OTUD7A: variants seen among roughly 807,000 people sequenced by gnomAD.
OTUD7A encodes OTU domain-containing protein 7A.
OTUD7A carries 12 observed loss-of-function variants against 65.7 expected under a neutral mutation model. That is an observed-to-expected ratio of 0.18 (90% CI 0.12 to 0.30). OTUD7A has a LOEUF of 0.30. Among genes scored for constraint, OTUD7A ranks in the 10% least tolerant of loss-of-function variants. The pLI is 1.00. For missense variants in OTUD7A, 1,148 were observed against 1,304.8 expected (o/e 0.88, Z 1.85); for synonymous variants, 641 against 586.3 (o/e 1.09, Z -1.35).
At chr15:31,754,451 G>A (rs1894752821) in intron 1 of OTUD7A, among the ~76,000 whole-genome samples, 1 of 152,046 alleles carries the variant, frequency 6.6e-6, no homozygotes, top group African/African-American at 2.4e-5. Context: ...GGTCTAGAAG[G>A]GTTTTTCCAA....
intron 3 of OTUD7A, among the ~76,000 whole-genome samples, chr15:31,632,295 T>A (rs1289760107): frequency 2.0e-5 from 3 of 152,216 alleles, no homozygotes; most frequent in Non-Finnish European, 4.4e-5. Flanking sequence ...GTTTGTTAGT[T>A]TTCCTTCTAA....
At chr15:31,521,845 T>C (rs1043620689) in intron 8 of OTUD7A, among the ~76,000 whole-genome samples, 1 of 152,166 alleles carries the variant, frequency 6.6e-6, no homozygotes, top group African/African-American at 2.4e-5. Flanking sequence ...CCCCAAACGG[T>C]CCCTCTTGCT....
chr15:31,591,581 C>A (rs2141198439), intron 3 of OTUD7A, among the ~76,000 whole-genome samples: 1 of 152,254 alleles, frequency 6.6e-6, no homozygotes, highest in South Asian at 2.1e-4. Flanking sequence ...ACTTACACCC[C>A]CAGCTCTCCC....
Position 31,501,823 on chromosome 15 carries a change from T to C in OTUD7A, c.1038A>G (p.Pro346=). The C allele has an allele frequency of 2.5e-6, 4 of 1,613,266 alleles. No homozygotes were observed. In the South Asian group the frequency reaches 3.3e-5, roughly 13 times the overall value. Residue 346 remains proline (P), a synonymous_variant, in exon 10 of 13, where the codon CCA becomes CCG. Transcript: ENST00000307050. ...CCAAGGGCAGGTAGATCCCTCCGAA[T>C]GGGATGGGTGCGAACGCTGTGGACA... ...DSGGEAFAPI[P]FGGIYLPLEV...
intron 3 of OTUD7A, among the ~76,000 whole-genome samples, chr15:31,589,467 T>C (rs1485707281): frequency 6.7e-6 from 1 of 148,934 alleles, no homozygotes; most frequent in Non-Finnish European, 1.5e-5. Context: ...GGGCTTGTTT[T>C]TTTTTTTTTT....
intron 1 of OTUD7A, among the ~76,000 whole-genome samples, chr15:31,796,292 C>T (rs201838300): frequency 2.6e-5 from 4 of 152,072 alleles, no homozygotes; most frequent in South Asian, 4.2e-4. Flanking sequence ...CACATGATTG[C>T]GGGGATTAGC....
At chr15:31,549,735 G>A (rs1158297354) in intron 5 of OTUD7A, among the ~76,000 whole-genome samples, 6 of 152,120 alleles carry the variant, frequency 3.9e-5, no homozygotes, top group Admixed American at 1.3e-4. Flanking sequence ...GGCTGGTCTT[G>A]AAGCAGTAAA....
intron 1 of OTUD7A, among the ~76,000 whole-genome samples, chr15:31,814,143 C>A (rs1008473709): frequency 6.6e-5 from 10 of 152,222 alleles, no homozygotes; most frequent in Non-Finnish European, 1.2e-4. Flanking sequence ...TATAATCAGC[C>A]AAGGGCTGTG....
chr15:31,776,265 C>T (rs973312087), intron 1 of OTUD7A, among the ~76,000 whole-genome samples: 10 of 152,258 alleles, frequency 6.6e-5, no homozygotes, highest in African/African-American at 2.4e-4. Flanking sequence ...CAGTGTGGGA[C>T]TTCCAGATAG....
intron 5 of OTUD7A, among the ~76,000 whole-genome samples, chr15:31,533,124 AC>A (rs998227231): frequency 9.9e-5 from 15 of 152,172 alleles, no homozygotes; most frequent in Middle Eastern, 3.4e-3. Flanking sequence ...AGACAAAGAA[AC>A]CTTAAAAGCT....
intron 1 of OTUD7A, among the ~76,000 whole-genome samples, chr15:31,694,778 G>A (rs535948869): frequency 1.8e-4 from 27 of 152,108 alleles, no homozygotes; most frequent in Non-Finnish European, 3.1e-4. Context: ...CATTCTTGCC[G>A]TACGTGACAG....
At chr15:31,804,344 G>A (rs1896212714) in intron 1 of OTUD7A, among the ~76,000 whole-genome samples, 1 of 152,086 alleles carries the variant, frequency 6.6e-6, no homozygotes, top group Non-Finnish European at 1.5e-5. Context: ...CTACTTTTAT[G>A]GTTCATTGGA....
At chr15:31,621,732 G>A (rs1014668282) in intron 3 of OTUD7A, among the ~76,000 whole-genome samples, 5 of 151,228 alleles carry the variant, frequency 3.3e-5, no homozygotes, top group African/African-American at 7.4e-5. Flanking sequence ...TTGCCAGTCC[G>A]TGTCTTTTAA....
In OTUD7A at chr15:31,483,823, C is replaced by G; in HGVS notation, c.2273G>C (p.Arg758Pro). 1 of 991,988 alleles carries G rather than the reference C, an allele frequency of 1.0e-6. No individual in the cohort carries two copies. Among genetic ancestry groups the G allele is most frequent in the Non-Finnish European group, 1.2e-6 (1 of 835,262 alleles). The allele number at this position is 991,988 out of a possible 1,614,324, so 61.4% of individuals were successfully genotyped here. A position where few individuals can be genotyped will look rare whatever the true frequency, so the allele number is the denominator to read the frequency against. Reference protein sequence around the residue: ...GTASPGGGARRASASGPVPGR... With the variant: ...GTASPGGGARPASASGPVPGR... ...AGGCACTGGTCCGCTGGCGCTCGCA[C>G]GCCGCGCGCCTCCCCCCGGGGAGGC... Residue 758 changes from arginine to proline, a missense_variant, in exon 13 of 13, where the codon CGT (arginine) becomes CCT (proline). Coordinates refer to ENST00000307050, the MANE Select transcript of OTUD7A (RefSeq NM_001382637.1).
intron 1 of OTUD7A, among the ~76,000 whole-genome samples, chr15:31,812,222 G>A (rs973047889): frequency 2.0e-5 from 3 of 148,328 alleles, no homozygotes; most frequent in Admixed American, 1.3e-4. Flanking sequence ...TAACCAGAAT[G>A]CCCCAGCTGA....
chr15:31,837,045 A>T (rs2140989510), intron 1 of OTUD7A, among the ~76,000 whole-genome samples: 1 of 152,336 alleles, frequency 6.6e-6, no homozygotes, highest in Middle Eastern at 3.4e-3. Context: ...GAAGAAATAA[A>T]GCTATCGCTA....
intron 1 of OTUD7A, among the ~76,000 whole-genome samples, chr15:31,660,466 C>T (rs1446825614): frequency 2.0e-5 from 3 of 152,178 alleles, no homozygotes; most frequent in Non-Finnish European, 2.9e-5. Context: ...TCTTTCAGTG[C>T]GGGGGCATGA....
chr15:31,642,789 G>A (rs1891555714), intron 3 of OTUD7A, among the ~76,000 whole-genome samples: 1 of 151,912 alleles, frequency 6.6e-6, no homozygotes, highest in African/African-American at 2.4e-5. Context: ...CTCTGATTAT[G>A]TGGCTATGGG....
chr15:31,736,845 C>T (rs1894207497), intron 1 of OTUD7A, among the ~76,000 whole-genome samples: 1 of 151,822 alleles, frequency 6.6e-6, no homozygotes, highest in Non-Finnish European at 1.5e-5. Context: ...GGCGGGGGGA[C>T]GGAGTCTCGC....
Sources: gnomAD v4.1 joint callset for allele counts (sites outside exome capture counted in the v4.1 genomes callset) on GRCh38, gnomAD v4.1.1 for gene constraint, MANE v1.5 for transcripts, NCBI Gene and HGNC (gene_info 2026-07-23, HGNC 2026-07-21) for gene names.